TPO: variants seen among roughly 807,000 people sequenced by gnomAD.
TPO encodes the protein thyroid microsomal antigen.
A neutral mutation model predicts 96.9 loss-of-function variants in TPO; 78 were observed. The ratio of observed to expected loss-of-function variants is 0.81; its 90% CI spans 0.67 to 0.97. TPO has a LOEUF of 0.97. Ranked by LOEUF, TPO falls within the 50% of genes least tolerant of loss-of-function variation. The pLI, the probability that TPO is intolerant of heterozygous loss-of-function variation, is 0.00. For synonymous variants in TPO, 547 were observed against 538.0 expected, an observed-to-expected ratio of 1.02 and a Z score of -0.23; for missense variants, 1,252 against 1,274.8, an observed-to-expected ratio of 0.98 and a Z score of 0.27.
At chr2:1,439,079 T>A in intron 5 of TPO, 1 of 494,196 alleles carries the variant, frequency 2.0e-6, no homozygotes, top group Non-Finnish European at 3.6e-6. Context: ...GTTTACATTT[T>A]AACAACCTCA....
intron 5 of TPO, among the ~76,000 whole-genome samples, chr2:1,441,486 G>A (rs562645732): frequency 6.6e-6 from 1 of 152,324 alleles, no homozygotes; most frequent in Non-Finnish European, 1.5e-5. Flanking sequence ...GAATGCTGTT[G>A]ATAACTGTGC....
chr2:1,455,680 A>G (rs1667723566), intron 6 of TPO, among the ~76,000 whole-genome samples: 1 of 152,246 alleles, frequency 6.6e-6, no homozygotes, highest in Admixed American at 6.5e-5. Context: ...TTCAAGGCCA[A>G]GGAGTACTCG....
intron 15 of TPO, among the ~76,000 whole-genome samples, chr2:1,521,019 A>T: frequency 6.6e-6 from 1 of 151,936 alleles, no homozygotes; most frequent in Non-Finnish European, 1.5e-5. Flanking sequence ...TTCCACCATC[A>T]CTTAGTTCTG....
At chr2:1,492,447 A>C (rs939005097) in intron 10 of TPO, among the ~76,000 whole-genome samples, 1 of 151,902 alleles carries the variant, frequency 6.6e-6, no homozygotes, top group African/African-American at 2.4e-5. Context: ...GAGCCACCGC[A>C]CCTGGCCTCT....
chr2:1,499,024 C>T (rs1672622420), intron 13 of TPO, among the ~76,000 whole-genome samples: 1 of 152,156 alleles, frequency 6.6e-6, no homozygotes. Flanking sequence ...TGCGTCTCTC[C>T]TTGCCCAAAT....
At position 1,498,404 on chromosome 2, in the gene TPO, C is replaced by T. The variant is rs180894733; in HGVS notation, c.2386+1639C>T. Among the ~76,000 whole-genome samples, 174 of 152,344 alleles carry T rather than the reference C, an allele frequency of 1.1e-3. 1 individual carries two copies. Among genetic ancestry groups the T allele is most frequent in the African/African-American group, 4.0e-3 (167 of 41,582 alleles). On this transcript the variant is annotated intron_variant, in intron 13 of 16. Coordinates refer to ENST00000329066, the MANE Select transcript of TPO (RefSeq NM_001206744.2). ...GAAGAAACAAAGCTGGCCTGGGGAA[C>T]GGTGCCTCGGAAATAACTTTCAAAC...
intron 14 of TPO, 117 bp downstream of exon 14, chr2:1,504,196 G>T: frequency 1.3e-6 from 2 of 1,572,182 alleles, no homozygotes; most frequent in Non-Finnish European, 1.7e-6. Flanking sequence ...GGGCGGAGAT[G>T]AATAAGACAC....
intron 16 of TPO, 94 bp downstream of exon 16, chr2:1,540,817 T>G: frequency 1.2e-6 from 2 of 1,602,540 alleles, no homozygotes. Context: ...TCCCTGCATA[T>G]TTCTGTTTAC....
intron 1 of TPO, among the ~76,000 whole-genome samples, chr2:1,377,722 T>TGCAG (rs1252936467): frequency 6.6e-6 from 1 of 152,130 alleles, no homozygotes; most frequent in East Asian, 1.9e-4. Flanking sequence ...GGTGGGGAAA[T>TGCAG]GCAGGCCAGC....
intron 5 of TPO, among the ~76,000 whole-genome samples, chr2:1,440,837 G>A (rs989518266): frequency 5.9e-5 from 9 of 151,318 alleles, no homozygotes; most frequent in South Asian, 2.1e-4. Flanking sequence ...GAGGTACTAC[G>A]TTGGAAGCAA....
At chr2:1,504,197 A>G in intron 14 of TPO, 118 bp downstream of exon 14, 1 of 1,570,724 alleles carries the variant, frequency 6.4e-7, no homozygotes. Flanking sequence ...GGCGGAGATG[A>G]ATAAGACACC....
intron 5 of TPO, among the ~76,000 whole-genome samples, chr2:1,441,276 G>C (rs898095328): frequency 6.6e-6 from 1 of 152,190 alleles, no homozygotes; most frequent in Non-Finnish European, 1.5e-5. Flanking sequence ...TTGTTGGTAC[G>C]GTGTGGCCAA....
intron 5 of TPO, among the ~76,000 whole-genome samples, chr2:1,452,104 T>A (rs1381057509): frequency 6.6e-6 from 1 of 152,250 alleles, no homozygotes; most frequent in East Asian, 1.9e-4. Context: ...ATGTATTTTA[T>A]AAATTTAAAT....
Position 1,508,670 on chromosome 2 carries a change from C to T in TPO, c.2518+4591C>T, listed in dbSNP as rs187866738. Among the ~76,000 whole-genome samples, 189 of 152,256 alleles carry T rather than the reference C, an allele frequency of 1.2e-3. 1 individual carries two copies. The highest frequency in any genetic ancestry group is 3.3e-3 in the African/African-American group (139 of 41,558). ...TCTTCTAGATTTTCTAGTTTATTTG[C>T]GTAGAGGTGTTTATAGTATTCTCTG... On this transcript the variant is annotated intron_variant, in intron 14 of 16. Transcript: ENST00000329066.
At chr2:1,405,764 T>TGTGTAA (rs1662241858) in intron 1 of TPO, among the ~76,000 whole-genome samples, 6 of 152,212 alleles carry the variant, frequency 3.9e-5, no homozygotes, top group African/African-American at 1.4e-4. Context: ...AACATCTTAT[T>TGTGTAA]CATGTTCACA....
At chr2:1,478,160 TTATGACTTTC>T in intron 8 of TPO, 1 of 985,426 alleles carries the variant, frequency 1.0e-6, no homozygotes, top group Non-Finnish European at 1.2e-6. Flanking sequence ...TTTCTTCATT[TTATGACTTTC>T]TTAAGTATCA....
At chr2:1,437,319 G>A (rs1278282038) in intron 5 of TPO, among the ~76,000 whole-genome samples, 2 of 152,200 alleles carry the variant, frequency 1.3e-5, no homozygotes, top group Non-Finnish European at 2.9e-5. Context: ...TGTCACAATA[G>A]TGTGGCGCCA....
chr2:1,523,615 C>A (rs1276762182), intron 15 of TPO, among the ~76,000 whole-genome samples: 2 of 134,074 alleles, frequency 1.5e-5, no homozygotes, highest in African/African-American at 5.6e-5. Flanking sequence ...TCCTCAAATC[C>A]CCCTACTGTG....
chr2:1,375,447 G>A (rs1196873292), intron 1 of TPO, among the ~76,000 whole-genome samples: 1 of 151,994 alleles, frequency 6.6e-6, no homozygotes, highest in Admixed American at 6.6e-5. Flanking sequence ...TTCCAAAGAG[G>A]GTTTTGGGAA....
Sources: gnomAD v4.1 joint callset for allele counts (sites outside exome capture counted in the v4.1 genomes callset) on GRCh38, gnomAD v4.1.1 for gene constraint, MANE v1.5 for transcripts, NCBI Gene and HGNC (gene_info 2026-07-23, HGNC 2026-07-21) for gene names.